GAPDHS: variants seen among roughly 807,000 people sequenced by gnomAD.
GAPDHS encodes the protein glyceraldehyde-3-phosphate dehydrogenase, spermatogenic.
A neutral mutation model predicts 48.7 loss-of-function variants in GAPDHS; 42 were observed. The ratio of observed to expected loss-of-function variants is 0.86; its 90% CI spans 0.67 to 1.12. The LOEUF (loss-of-function observed/expected upper bound fraction) is 1.12. GAPDHS is among the 50% of genes most tolerant of loss of function. GAPDHS has a pLI of 0.00. For missense variants in GAPDHS, 512 were observed against 557.7 expected (o/e 0.92, Z 0.82); for synonymous variants, 166 against 219.1 (o/e 0.76, Z 2.14).
At chr19:35,543,982 T>C in intron 9 of GAPDHS, 155 bp downstream of exon 9, 3 of 1,346,650 alleles carry the variant, frequency 2.2e-6, no homozygotes, top group Non-Finnish European at 2.9e-6. Context: ...GCTGTTCCTT[T>C]AGTCTGGAAT....
intron 4 of GAPDHS, among the ~76,000 whole-genome samples, chr19:35,538,940 G>T (rs1459860674): frequency 2.0e-5 from 3 of 152,092 alleles, no homozygotes; most frequent in Admixed American, 6.5e-5. Flanking sequence ...TAGGGACGGG[G>T]TATCACTCTT....
In GAPDHS at chr19:35,538,321, G is replaced by A; in HGVS notation, c.260G>A (p.Gly87Asp). The A allele has an allele frequency of 6.2e-7, 1 of 1,613,120 alleles. No homozygotes were observed. The highest frequency in any genetic ancestry group is 8.5e-7 in the Non-Finnish European group (1 of 1,179,352). Residue 87 changes from glycine (G) to aspartate (D), a missense_variant, in exon 3 of 11, where the codon GGT becomes GAT. Physicochemically the swap from Gly to Asp is moderately conservative, Grantham distance 94 (BLOSUM62 -1). Transcript: ENST00000222286. Reference sequence around the variant, plus strand: ...TCCCTGGCCAGATTTGGACGCATCGGTCGCCTGGTCCTGCGCGCCTGCATG... The same window carrying A: ...TCCCTGGCCAGATTTGGACGCATCGATCGCCTGGTCCTGCGCGCCTGCATG... ...TVGINGFGRIGRLVLRACMEK... is the reference protein window; with the variant it reads ...TVGINGFGRIDRLVLRACMEK...
chr19:35,537,077 C>T, intron 2 of GAPDHS, 87 bp downstream of exon 2: 4 of 1,148,780 alleles, frequency 3.5e-6, no homozygotes, highest in Non-Finnish European at 5.0e-6. Context: ...TCCACATTTC[C>T]CCCCATCAAT....
Position 35,543,656 on chromosome 19 carries a change from A to T in GAPDHS, c.894-9A>T. ...TTCTGACTCCTGTTCCTCATGGGGG[A>T]TTCTCCAGGAAGCTGACAGGGATGG... On this transcript the variant is annotated splice_polypyrimidine_tract_variant and intron_variant, in intron 8 of 10. Coordinates refer to ENST00000222286, the MANE Select transcript of GAPDHS (RefSeq NM_014364.5). The T allele has an allele frequency of 1.2e-6, 2 of 1,612,750 alleles. No homozygotes were observed. Among genetic ancestry groups the T allele is most frequent in the Non-Finnish European group, 1.7e-6 (2 of 1,179,290 alleles).
intron 6 of GAPDHS, 36 bp downstream of exon 6, chr19:35,542,644 G>A: frequency 7.1e-7 from 1 of 1,402,816 alleles, no homozygotes. Flanking sequence ...ATGTGTGGAA[G>A]GGAGGGTAGA....
At chr19:35,538,723 T>C (rs772871116) in intron 4 of GAPDHS, 40 bp downstream of exon 4, 6 of 1,259,166 alleles carry the variant, frequency 4.8e-6, no homozygotes, top group South Asian at 1.2e-5. Flanking sequence ...TGTGACATAT[T>C]GAGGCAGGGC....
chr19:35,537,942 G>A (rs944884474), intron 2 of GAPDHS, among the ~76,000 whole-genome samples: 7 of 152,142 alleles, frequency 4.6e-5, no homozygotes, highest in Admixed American at 3.9e-4. Context: ...CAGGTGTGGT[G>A]GTACGCGCCT....
chr19:35,541,489 A>AC (rs1185466519), intron 4 of GAPDHS: 2 of 151,636 alleles, frequency 1.3e-5, no homozygotes, highest in East Asian at 1.9e-4. Context: ...CATTGATTGA[A>AC]CCCCCCATTG....
intron 1 of GAPDHS, among the ~76,000 whole-genome samples, chr19:35,536,177 T>C (rs1036242737): frequency 6.6e-6 from 1 of 152,180 alleles, no homozygotes; most frequent in Admixed American, 6.5e-5. Context: ...ATCCATGTAT[T>C]ACCTCATTTA....
At position 35,536,842 on chromosome 19, in the gene GAPDHS, A is replaced by C; in HGVS notation, c.97A>C (p.Lys33Gln). The C allele has an allele frequency of 6.2e-7, 1 of 1,613,364 alleles. No homozygotes were observed. Among genetic ancestry groups the C allele is most frequent in the South Asian group, 1.1e-5 (1 of 91,032 alleles). Residue 33 changes from lysine to glutamine, a missense_variant, in exon 2 of 11, where the codon AAG becomes CAG. Lys to Gln is a moderately conservative substitution (Grantham distance 53). Coordinates refer to ENST00000222286, the MANE Select transcript of GAPDHS (RefSeq NM_014364.5). ...VTRAPPPPEPKAEVEPQPQPE... is the reference protein window; with the variant it reads ...VTRAPPPPEPQAEVEPQPQPE... ...CAGAGCACCGCCCCCACCTGAGCCT[A>C]AGGCTGAAGTAGAGCCCCAGCCACA...
chr19:35,537,160 G>T (rs149726276), intron 2 of GAPDHS, among the ~76,000 whole-genome samples, 170 bp downstream of exon 2: 6 of 152,328 alleles, frequency 3.9e-5, no homozygotes, highest in African/African-American at 1.4e-4. Flanking sequence ...GCAGCATGCT[G>T]GTGGGGAAGA....
chr19:35,542,657 C>T (rs374809422), intron 6 of GAPDHS, 49 bp downstream of exon 6: 2 of 1,225,046 alleles, frequency 1.6e-6, no homozygotes, highest in Non-Finnish European at 1.2e-6. Flanking sequence ...AGGGTAGACT[C>T]GTCCTCCCCA....
At chr19:35,544,197 T>C (rs1037339524) in intron 9 of GAPDHS, 1 of 190,650 alleles carries the variant, frequency 5.2e-6, no homozygotes, top group Non-Finnish European at 1.1e-5. Flanking sequence ...CTTTTCACTT[T>C]TGTGGCTCCA....
intron 4 of GAPDHS, 125 bp from the exon 5 acceptor site, chr19:35,542,194 G>A: frequency 1.5e-6 from 1 of 674,138 alleles, no homozygotes; most frequent in Non-Finnish European, 2.7e-6. Context: ...GGTGTGTGGG[G>A]TAGGGGACGC....
chr19:35,536,106 C>T (rs1482776821), intron 1 of GAPDHS, among the ~76,000 whole-genome samples: 1 of 152,054 alleles, frequency 6.6e-6, no homozygotes. Flanking sequence ...TGGACAAATT[C>T]GGGGAACAAT....
chr19:35,545,118 A>G lies in GAPDHS; in HGVS notation c.1175A>G (p.Tyr392Cys), dbSNP rs772602949. The G allele has an allele frequency of 3.1e-6, 5 of 1,613,976 alleles. No individual in the cohort carries two copies. The South Asian group carries it at 4.4e-5, about 14-fold the overall frequency. Reference sequence around the variant, plus strand: ...CACAGGTACGACAACGAATATGGCTACAGTCACCGGGTGGTCGACCTCCTC... The same window carrying G: ...CACAGGTACGACAACGAATATGGCTGCAGTCACCGGGTGGTCGACCTCCTC... The part of the protein sequence containing the change: ...LISWYDNEYG[Y>C]SHRVVDLLRY... Residue 392 changes from tyrosine to cysteine, a missense_variant, in exon 11 of 11, where the codon TAC (tyrosine) becomes TGC (cysteine). By Grantham distance (194) the Tyr-to-Cys change is radical. Coordinates refer to ENST00000222286, the MANE Select transcript of GAPDHS (RefSeq NM_014364.5).
chr19:35,545,305 A>G lies in GAPDHS; in HGVS notation c.*135A>G, dbSNP rs1254582920. 1 of 754,880 alleles carries G rather than the reference A, an allele frequency of 1.3e-6. No individual in the cohort carries two copies. The highest frequency in any genetic ancestry group is 2.4e-6 in the Non-Finnish European group (1 of 422,870). The allele number at this position is 754,880 out of a possible 1,614,324, so 46.8% of individuals were successfully genotyped here. On this transcript the variant is annotated 3_prime_UTR_variant, in exon 11 of 11. Coordinates refer to ENST00000222286, the MANE Select transcript of GAPDHS (RefSeq NM_014364.5). ...CGCCGATGGGTCCATGGTGAAATAA[A>G]AAACAGTGCTCACGGCTGCGTCCCG...
At chr19:35,533,755 G>C (rs749922238) in intron 1 of GAPDHS, among the ~76,000 whole-genome samples, 161 bp downstream of exon 1, 5 of 152,220 alleles carry the variant, frequency 3.3e-5, no homozygotes, top group Non-Finnish European at 5.9e-5. Context: ...CCGCCAGTGT[G>C]CTGGCAGAGT....
chr19:35,544,981 G>A lies in GAPDHS; in HGVS notation c.1129G>A (p.Asp377Asn), dbSNP rs193920833. Residue 377 changes from aspartate to asparagine, a missense_variant, in exon 10 of 11, where the codon GAC becomes AAC. Coordinates refer to ENST00000222286, the MANE Select transcript of GAPDHS (RefSeq NM_014364.5). ...TGCTAAGGCCGGCATTGCGCTCAAT[G>A]ACAATTTCGTGAAGCTCATTTCATG... is the stretch of plus-strand genomic sequence containing the variant. Reference protein sequence around the residue: ...FDAKAGIALNDNFVKLISWYD... With the variant: ...FDAKAGIALNNNFVKLISWYD... 1 of 1,613,806 alleles carries A rather than the reference G, an allele frequency of 6.2e-7. No homozygotes were observed. The highest frequency in any genetic ancestry group is 8.5e-7 in the Non-Finnish European group (1 of 1,179,680).
Sources: gnomAD v4.1 joint callset for allele counts (sites outside exome capture counted in the v4.1 genomes callset) on GRCh38, gnomAD v4.1.1 for gene constraint, MANE v1.5 for transcripts, NCBI Gene and HGNC (gene_info 2026-07-23, HGNC 2026-07-21) for gene names.